PTPRD: variants seen among roughly 807,000 people sequenced by gnomAD.
PTPRD encodes the protein receptor-type tyrosine-protein phosphatase delta.
PTPRD carries 34 observed loss-of-function variants against 214.5 expected under a neutral mutation model. The observed-to-expected ratio is 0.16, with a 90% CI of 0.12 to 0.21. The LOEUF is 0.21. Ranked by LOEUF, PTPRD falls within the 10% of genes least tolerant of loss-of-function variation. The pLI is 1.00. For synonymous variants in PTPRD, 1,128 were observed against 845.7 expected, an observed-to-expected ratio of 1.33 and a Z score of -5.79; for missense variants, 2,545 against 2,398.7, an observed-to-expected ratio of 1.06 and a Z score of -1.27.
intron 8 of PTPRD, among the ~76,000 whole-genome samples, chr9:9,438,709 TA>T (rs1284418010): frequency 1.3e-5 from 2 of 152,196 alleles, no homozygotes; most frequent in Non-Finnish European, 2.9e-5. Flanking sequence ...ACATTATCTT[TA>T]CAGTTCTTCC....
intron 2 of PTPRD, among the ~76,000 whole-genome samples, chr9:10,414,802 C>T (rs919731685): frequency 3.3e-5 from 5 of 151,704 alleles, no homozygotes; most frequent in East Asian, 3.9e-4. Flanking sequence ...ATGGATGGAA[C>T]GGAATGCCAT....
chr9:9,124,644 G>A (rs754888849), intron 10 of PTPRD, among the ~76,000 whole-genome samples: 10 of 152,028 alleles, frequency 6.6e-5, no homozygotes, highest in Non-Finnish European at 1.0e-4. Flanking sequence ...TTTGATTCCC[G>A]GTGAGTTCAG....
At chr9:10,595,605 A>C (rs1486000838) in intron 2 of PTPRD, among the ~76,000 whole-genome samples, 5 of 151,602 alleles carry the variant, frequency 3.3e-5, no homozygotes, top group Non-Finnish European at 5.9e-5. Context: ...TGCCTATATT[A>C]TTTAATATTT....
intron 3 of PTPRD, among the ~76,000 whole-genome samples, chr9:10,304,600 G>A (rs61682122): frequency 0.012 from 1,797 of 151,834 alleles, 42 homozygotes; most frequent in African/African-American, 0.041. Flanking sequence ...AAATCACAAG[G>A]ATCCCTATAT....
intron 2 of PTPRD, among the ~76,000 whole-genome samples, chr9:10,592,050 G>C (rs189790864): frequency 6.6e-6 from 1 of 152,066 alleles, no homozygotes; most frequent in African/African-American, 2.4e-5. Context: ...ACTTTGTTGC[G>C]CAGCAACAGA....
At chr9:9,778,389 G>C (rs2761719) in intron 5 of PTPRD, among the ~76,000 whole-genome samples, 20,747 of 152,124 alleles carry the variant, frequency 0.14, 1,997 homozygotes, top group African/African-American at 0.28. Context: ...AAAAGGCAGA[G>C]ACAGGCCTTC....
intron 2 of PTPRD, among the ~76,000 whole-genome samples, chr9:10,343,991 T>G (rs1285783164): frequency 1.4e-4 from 19 of 139,722 alleles, no homozygotes; most frequent in African/African-American, 4.8e-4. Context: ...TTTTTTTTTT[T>G]TTTTTTTTTT....
chr9:10,609,554 A>C (rs930751808), intron 2 of PTPRD, among the ~76,000 whole-genome samples: 1 of 152,134 alleles, frequency 6.6e-6, no homozygotes, highest in African/African-American at 2.4e-5. Context: ...ATAACTAGCA[A>C]TATTTTAGCT....
At chr9:9,034,338 TC>T in intron 10 of PTPRD, among the ~76,000 whole-genome samples, 1 of 152,184 alleles carries the variant, frequency 6.6e-6, no homozygotes, top group Non-Finnish European at 1.5e-5. Context: ...TGGAATGGAG[TC>T]CCAGCTCTTC....
At chr9:9,690,727 T>A (rs185714888) in intron 7 of PTPRD, among the ~76,000 whole-genome samples, 1 of 152,006 alleles carries the variant, frequency 6.6e-6, no homozygotes, top group African/African-American at 2.4e-5. Context: ...AGCCTGTTAT[T>A]TTGCCAATGT....
chr9:9,141,281 A>T (rs1293579792), intron 10 of PTPRD, among the ~76,000 whole-genome samples: 2 of 142,936 alleles, frequency 1.4e-5, no homozygotes, highest in Non-Finnish European at 3.0e-5. Context: ...CTGAGGCACT[A>T]CAGACCCTAG....
chr9:8,876,553 G>T (rs1206307579), intron 11 of PTPRD, among the ~76,000 whole-genome samples: 2 of 152,036 alleles, frequency 1.3e-5, no homozygotes, highest in African/African-American at 2.4e-5. Context: ...TTGGAGCTTC[G>T]TCATTTCCTG....
At chr9:10,151,749 T>C (rs1043903382) in intron 3 of PTPRD, among the ~76,000 whole-genome samples, 3 of 152,166 alleles carry the variant, frequency 2.0e-5, no homozygotes, top group African/African-American at 7.2e-5. Context: ...CTATTTGTTG[T>C]TAAGACCTTT....
intron 2 of PTPRD, among the ~76,000 whole-genome samples, chr9:10,511,171 GT>G (rs1455429286): frequency 6.6e-6 from 1 of 152,102 alleles, no homozygotes; most frequent in Non-Finnish European, 1.5e-5. Flanking sequence ...TCATTTCATA[GT>G]CGAAGTATGT....
In PTPRD at chr9:9,003,961, C is replaced by T. The variant is rs567549093; in HGVS notation, c.-104+14736G>A. 1.8e-4 allele frequency among the ~76,000 whole-genome samples: 28 copies of T among 152,142 alleles called. No individual in the cohort carries two copies. In the East Asian group the frequency reaches 4.1e-3, roughly 22 times the overall value. On this transcript the variant is annotated intron_variant, in intron 11 of 45. Coordinates refer to ENST00000381196, the MANE Select transcript of PTPRD (RefSeq NM_002839.4). ...GTCTTATGGCCATTGCATTCCTAAA[C>T]GAACTCAATCTCTGGACTAGGTCTC...
At chr9:8,535,910 C>T (rs1329324043) in intron 14 of PTPRD, among the ~76,000 whole-genome samples, 1 of 151,788 alleles carries the variant, frequency 6.6e-6, no homozygotes, top group Non-Finnish European at 1.5e-5. Context: ...TAAATCCCAC[C>T]TTTAACAGAA....
At chr9:10,575,807 C>G (rs7039250) in intron 2 of PTPRD, among the ~76,000 whole-genome samples, 5,033 of 152,174 alleles carry the variant, frequency 0.033, 280 homozygotes, top group African/African-American at 0.11. Context: ...TCTCCCCAAC[C>G]CTTTCTCTCC....
In PTPRD at chr9:10,204,258, G is replaced by A. The variant is rs193219252; in HGVS notation, c.-545+136705C>T. Among the ~76,000 whole-genome samples, 66 of 152,146 alleles carry A rather than the reference G, an allele frequency of 4.3e-4. No individual in the cohort carries two copies. In the East Asian group the frequency reaches 0.011, roughly 25 times the overall value. ...TCCACGTGAAAATCTCTTTGGGTTTGCTTGCTTCTATGTGTTCTGAAAAAA... is the reference window on the plus strand; with the variant it reads ...TCCACGTGAAAATCTCTTTGGGTTTACTTGCTTCTATGTGTTCTGAAAAAA... On this transcript the variant is annotated intron_variant, in intron 3 of 45. Coordinates refer to ENST00000381196, the MANE Select transcript of PTPRD (RefSeq NM_002839.4).
chr9:8,426,405 C>T (rs527619832), intron 35 of PTPRD, among the ~76,000 whole-genome samples: 2 of 152,176 alleles, frequency 1.3e-5, no homozygotes, highest in Non-Finnish European at 2.9e-5. Context: ...CATTCCGGTG[C>T]TAAAATCCCA....
Sources: gnomAD v4.1 joint callset for allele counts (sites outside exome capture counted in the v4.1 genomes callset) on GRCh38, gnomAD v4.1.1 for gene constraint, MANE v1.5 for transcripts, NCBI Gene and HGNC (gene_info 2026-07-23, HGNC 2026-07-21) for gene names.